The following HTR2C variants were observed in gnomAD, a reference collection of about 807,000 sequenced individuals.
HTR2C encodes the protein 5-hydroxytryptamine receptor 2C.
HTR2C carries 5 observed loss-of-function variants against 21.0 expected under a neutral mutation model. The observed-to-expected ratio is 0.24, with a 90% confidence interval of 0.12 to 0.50. The LOEUF (loss-of-function observed/expected upper bound fraction) is 0.50, where lower values mean the gene tolerates loss of function less well. Among genes scored for constraint, HTR2C ranks in the 20% least tolerant of loss-of-function variants. The pLI is 0.98. For synonymous variants in HTR2C, 150 were observed against 145.3 expected (o/e 1.03, Z -0.23); for missense variants, 271 against 371.2 (o/e 0.73, Z 2.22).
intron 5 of HTR2C, among the ~76,000 whole-genome samples, chrX:114,894,875 T>C (rs2071284545): frequency 1.8e-5 from 2 of 110,152 alleles, no homozygotes; most frequent in Middle Eastern, 4.6e-3. Context: ...CACACCACCA[T>C]GCTCGGCTAA....
chrX:114,849,311 A>G (rs1556468568), intron 5 of HTR2C, among the ~76,000 whole-genome samples: 1 of 112,354 alleles, frequency 8.9e-6, no homozygotes, highest in Non-Finnish European at 1.9e-5. Flanking sequence ...ATATTGTTGC[A>G]TCAGCTTCTA....
At chrX:114,837,032 A>C (rs1261909877) in intron 4 of HTR2C, among the ~76,000 whole-genome samples, 1 of 111,371 alleles carries the variant, frequency 9.0e-6, no homozygotes, top group East Asian at 2.8e-4. Flanking sequence ...TATTTGAGAG[A>C]CATACTTTAG....
chrX:114,823,229 T>C (rs2070650355), intron 4 of HTR2C, among the ~76,000 whole-genome samples: 1 of 111,331 alleles, frequency 9.0e-6, no homozygotes, highest in African/African-American at 3.3e-5. Context: ...TGGTGGGAAA[T>C]GATATTTTTG....
At chrX:114,619,488 T>C (rs1449204076) in intron 2 of HTR2C, among the ~76,000 whole-genome samples, 1 of 111,299 alleles carries the variant, frequency 9.0e-6, no homozygotes, top group East Asian at 2.8e-4. Context: ...TCATGAATAG[T>C]TGGGCCCCAC....
intron 2 of HTR2C, among the ~76,000 whole-genome samples, chrX:114,707,278 G>T (rs1392305740): frequency 1.8e-5 from 2 of 111,146 alleles, no homozygotes; most frequent in African/African-American, 3.3e-5. Flanking sequence ...AAATCAGGCT[G>T]GGCATGGTGA....
chrX:114,836,561 G>A (rs782608585), intron 4 of HTR2C, among the ~76,000 whole-genome samples: 2 of 111,991 alleles, frequency 1.8e-5, no homozygotes, highest in African/African-American at 6.5e-5. Context: ...GCCCTGCTTC[G>A]GCTCGTGCAC....
intron 1 of HTR2C, among the ~76,000 whole-genome samples, chrX:114,588,978 A>G (rs1927521422): frequency 8.9e-6 from 1 of 111,958 alleles, no homozygotes; most frequent in Admixed American, 9.5e-5. Context: ...CAGTTAGGGA[A>G]ACTGAGGCAT....
chrX:114,810,122 TCTA>T (rs1166076314), intron 4 of HTR2C, among the ~76,000 whole-genome samples: 3 of 111,730 alleles, frequency 2.7e-5, no homozygotes, highest in African/African-American at 9.8e-5. Context: ...GGTATCCTAT[TCTA>T]CTGTGGTGGA....
At chrX:114,675,855 T>C in intron 2 of HTR2C, among the ~76,000 whole-genome samples, 1 of 107,124 alleles carries the variant, frequency 9.3e-6, no homozygotes. Flanking sequence ...TTAAGACTTT[T>C]CGTTTCTTTT....
chrX:114,731,308 G>T lies in HTR2C; in HGVS notation c.50G>T (p.Gly17Val), dbSNP rs782253520. The T allele has an allele frequency of 8.4e-7, 1 of 1,194,808 alleles. No individual in the cohort carries two copies. Among genetic ancestry groups the T allele is most frequent in the South Asian group, 1.8e-5 (1 of 55,604 alleles). Residue 17 changes from glycine to valine, a missense_variant, in exon 4 of 6, where the codon GGC becomes GTC. This residue lies in a region of HTR2C where 57 missense variants were observed against 64.0 expected (regional missense o/e 0.89). Transcript: ENST00000276198. ...TTAATTTTCAGTGTGCACCTAATTGGCCTATTGGTTTGGCAATCTGATATT... is the reference window on the plus strand; with the variant it reads ...TTAATTTTCAGTGTGCACCTAATTGTCCTATTGGTTTGGCAATCTGATATT... Reference protein sequence around the residue: ...AVHSFLVHLIGLLVWQSDISV... With the variant: ...AVHSFLVHLIVLLVWQSDISV...
At chrX:114,598,127 A>G (rs1478397781) in intron 1 of HTR2C, among the ~76,000 whole-genome samples, 1 of 111,943 alleles carries the variant, frequency 8.9e-6, no homozygotes, top group African/African-American at 3.2e-5. Context: ...AGCAAAGGTT[A>G]CTGTTAAATT....
intron 4 of HTR2C, among the ~76,000 whole-genome samples, chrX:114,803,185 T>C (rs1383502277): frequency 1.0e-5 from 1 of 96,625 alleles, no homozygotes; most frequent in Non-Finnish European, 2.1e-5. Context: ...AATGCCGCAA[T>C]AAACATACGT....
chrX:114,672,198 T>A (rs1931403057), intron 2 of HTR2C, among the ~76,000 whole-genome samples: 1 of 111,850 alleles, frequency 8.9e-6, no homozygotes, highest in African/African-American at 3.2e-5. Context: ...ATGTGGTGTA[T>A]AATCATATTT....
chrX:114,739,608 A>G (rs2147354114), intron 4 of HTR2C, among the ~76,000 whole-genome samples: 1 of 111,741 alleles, frequency 8.9e-6, no homozygotes, highest in East Asian at 2.8e-4. Context: ...TCATTGGCAT[A>G]ACAACAATAA....
intron 2 of HTR2C, among the ~76,000 whole-genome samples, chrX:114,704,846 A>G (rs1556417701): frequency 9.3e-6 from 1 of 107,717 alleles, no homozygotes; most frequent in African/African-American, 3.3e-5. Flanking sequence ...GCTGATAAGC[A>G]ACTTCAGCAA....
At chrX:114,615,795 C>A (rs1179804253) in intron 2 of HTR2C, among the ~76,000 whole-genome samples, 1 of 111,733 alleles carries the variant, frequency 8.9e-6, no homozygotes, top group Admixed American at 9.5e-5. Context: ...CCTGTGCACC[C>A]CTCTTTGTAC....
chrX:114,811,521 A>T (rs1410093274), intron 4 of HTR2C, among the ~76,000 whole-genome samples: 1 of 112,479 alleles, frequency 8.9e-6, no homozygotes, highest in African/African-American at 3.2e-5. Flanking sequence ...TTACCTTTAC[A>T]TGGCATTTCT....
chrX:114,601,474 T>G, intron 1 of HTR2C, among the ~76,000 whole-genome samples: 1 of 103,570 alleles, frequency 9.7e-6, no homozygotes, highest in African/African-American at 3.6e-5. Context: ...GGAGTGGGGG[T>G]CGCAAGGTGC....
At chrX:114,592,917 C>T (rs1234844700) in intron 1 of HTR2C, among the ~76,000 whole-genome samples, 1 of 111,681 alleles carries the variant, frequency 9.0e-6, no homozygotes, top group African/African-American at 3.3e-5. Flanking sequence ...AGAATGAAAC[C>T]CAGGGACTCT....
Sources: gnomAD v4.1 joint callset for allele counts (sites outside exome capture counted in the v4.1 genomes callset) on GRCh38, gnomAD v4.1.1 for gene constraint, gnomAD v4.1.1 regional missense constraint, MANE v1.5 for transcripts, NCBI Gene and HGNC (gene_info 2026-07-23, HGNC 2026-07-21) for gene names.